REC114: variants seen among roughly 807,000 people sequenced by gnomAD.
The protein encoded by REC114 is REC114 meiotic recombination protein.
REC114 carries 27 observed loss-of-function variants against 31.3 expected under a neutral mutation model. The observed-to-expected ratio is 0.86, with a 90% CI of 0.64 to 1.19. The LOEUF (loss-of-function observed/expected upper bound fraction) is 1.19. REC114 is among the 50% of genes most tolerant of loss of function. The probability of loss-of-function intolerance (pLI) is 0.00; values close to 1 mark genes in which losing one functional copy is unlikely to be tolerated. For synonymous variants in REC114, 134 were observed against 127.7 expected, an observed-to-expected ratio of 1.05 and a Z score of -0.33; for missense variants, 344 against 326.9, an observed-to-expected ratio of 1.05 and a Z score of -0.40.
chr15:73,548,085 G>C (rs193115477), intron 3 of REC114, among the ~76,000 whole-genome samples: 2 of 152,246 alleles, frequency 1.3e-5, no homozygotes, highest in African/African-American at 4.8e-5. Flanking sequence ...AACTCCATAA[G>C]AAAGTGGGAA....
At chr15:73,536,843 G>A (rs1368971829) in intron 2 of REC114, among the ~76,000 whole-genome samples, 1 of 152,138 alleles carries the variant, frequency 6.6e-6, no homozygotes. Flanking sequence ...ACTGGTCCTG[G>A]CATGAAATAG....
chr15:73,556,256 A>C (rs1420284547), intron 4 of REC114, 46 bp from the exon 5 acceptor site: 2 of 1,522,196 alleles, frequency 1.3e-6, no homozygotes, highest in Admixed American at 3.7e-5. Context: ...TTGGTATTTA[A>C]GATTACATTC....
intron 1 of REC114, among the ~76,000 whole-genome samples, chr15:73,468,742 T>C (rs1567855798): frequency 6.6e-6 from 1 of 151,974 alleles, no homozygotes; most frequent in Non-Finnish European, 1.5e-5. Flanking sequence ...ATTCCTGGTT[T>C]GCTGAGTTTT....
chr15:73,484,099 T>G (rs1893334302), intron 2 of REC114, among the ~76,000 whole-genome samples: 1 of 152,212 alleles, frequency 6.6e-6, no homozygotes, highest in African/African-American at 2.4e-5. Context: ...TTTAAAATGA[T>G]AATTCCCCTT....
At chr15:73,532,132 C>A (rs1333477313) in intron 2 of REC114, among the ~76,000 whole-genome samples, 7 of 151,550 alleles carry the variant, frequency 4.6e-5, no homozygotes, top group African/African-American at 1.2e-4. Context: ...TATCCCTCCC[C>A]CCTCGCCCCA....
chr15:73,554,250 T>G (rs1894431440), intron 4 of REC114, among the ~76,000 whole-genome samples: 1 of 152,182 alleles, frequency 6.6e-6, no homozygotes, highest in Non-Finnish European at 1.5e-5. Context: ...CCTAGAACAT[T>G]CTAGTTTTCC....
intron 2 of REC114, among the ~76,000 whole-genome samples, chr15:73,487,846 T>A (rs1893392548): frequency 6.6e-6 from 1 of 152,170 alleles, no homozygotes; most frequent in Non-Finnish European, 1.5e-5. Context: ...GTGGGGGCTA[T>A]CTACAGTGGC....
At chr15:73,468,876 T>A (rs1312372805) in intron 1 of REC114, among the ~76,000 whole-genome samples, 1 of 152,130 alleles carries the variant, frequency 6.6e-6, no homozygotes. Context: ...TTCACAATAT[T>A]TCTGATTTCC....
intron 1 of REC114, among the ~76,000 whole-genome samples, chr15:73,447,648 AAAATAAATAAATAAATAAAT>A (rs60241454): frequency 3.5e-5 from 5 of 143,308 alleles, no homozygotes; most frequent in Non-Finnish European, 6.1e-5. Flanking sequence ...ACTCTGTCTC[AAAATAAATAAATAAATAAAT>A]AAATAAATAA....
chr15:73,474,686 A>G (rs1199842987), intron 2 of REC114, among the ~76,000 whole-genome samples: 3 of 152,238 alleles, frequency 2.0e-5, no homozygotes, highest in Non-Finnish European at 2.9e-5. Flanking sequence ...CTAGGGATAT[A>G]GCAGTGAACA....
chr15:73,491,652 C>T (rs1306806921), intron 2 of REC114, among the ~76,000 whole-genome samples: 1 of 152,292 alleles, frequency 6.6e-6, no homozygotes, highest in Non-Finnish European at 1.5e-5. Flanking sequence ...AATCCCAGCA[C>T]TTTGGGAGGC....
At chr15:73,487,681 T>A (rs190681030) in intron 2 of REC114, among the ~76,000 whole-genome samples, 31 of 152,324 alleles carry the variant, frequency 2.0e-4, no homozygotes, top group Middle Eastern at 3.4e-3. Context: ...TGGAGTTGGG[T>A]GCCTGCAGCT....
intron 2 of REC114, among the ~76,000 whole-genome samples, chr15:73,488,012 C>T (rs530322780): frequency 1.1e-4 from 17 of 152,314 alleles, no homozygotes; most frequent in African/African-American, 4.1e-4. Context: ...GTCTTGTGCC[C>T]TCTGGAGTGG....
chr15:73,497,491 T>C (rs1339405543), intron 2 of REC114, among the ~76,000 whole-genome samples: 1 of 152,220 alleles, frequency 6.6e-6, no homozygotes, highest in Non-Finnish European at 1.5e-5. Context: ...AGTCTTTTAG[T>C]CTCTAGCAGC....
chr15:73,515,525 C>G (rs955482758), intron 2 of REC114, among the ~76,000 whole-genome samples: 2 of 152,062 alleles, frequency 1.3e-5, no homozygotes, highest in African/African-American at 4.8e-5. Flanking sequence ...AGCCCTAGCC[C>G]ACAAAGTGAT....
At chr15:73,526,720 AT>A (rs1178210244) in intron 2 of REC114, among the ~76,000 whole-genome samples, 1 of 151,826 alleles carries the variant, frequency 6.6e-6, no homozygotes, top group African/African-American at 2.4e-5. Context: ...CTGTTGACTC[AT>A]TTTTCTCAAG....
chr15:73,452,939 G>T (rs1031072307), intron 1 of REC114, among the ~76,000 whole-genome samples: 1 of 152,158 alleles, frequency 6.6e-6, no homozygotes, highest in African/African-American at 2.4e-5. Flanking sequence ...TATGCAGAAA[G>T]CTGAAACTGG....
intron 2 of REC114, among the ~76,000 whole-genome samples, chr15:73,535,979 A>G (rs1275285586): frequency 6.7e-5 from 10 of 150,056 alleles, no homozygotes; most frequent in Admixed American, 6.6e-4. Context: ...CCATATGTAG[A>G]AAGCTGAAAC....
intron 1 of REC114, 29 bp downstream of exon 1, chr15:73,443,373 AG>A: frequency 6.5e-7 from 1 of 1,545,886 alleles, no homozygotes; most frequent in Non-Finnish European, 8.7e-7. Context: ...AATATCCCTG[AG>A]GTGCCCACAG....
Sources: allele counts gnomAD v4.1 joint callset (sites outside exome capture counted in the v4.1 genomes callset), GRCh38; gene constraint gnomAD v4.1.1; transcripts MANE v1.5; gene names NCBI Gene and HGNC (gene_info 2026-07-23, HGNC 2026-07-21).